Variants in IGDCC4 observed in about 807,000 individuals in gnomAD.
IGDCC4 encodes likely ortholog of mouse neighbor of Punc E11.
IGDCC4 carries 72 observed loss-of-function variants against 116.6 expected under a neutral mutation model. The ratio of observed to expected loss-of-function variants is 0.62; its 90% CI spans 0.51 to 0.75. The LOEUF (loss-of-function observed/expected upper bound fraction) is 0.75, where lower values mean the gene tolerates loss of function less well. Ranked by LOEUF, IGDCC4 falls within the 30% of genes least tolerant of loss-of-function variation. IGDCC4 has a pLI of 0.00. For synonymous variants in IGDCC4, 709 were observed against 719.9 expected, an observed-to-expected ratio of 0.98 and a Z score of 0.24; for missense variants, 1,501 against 1,662.4, an observed-to-expected ratio of 0.90 and a Z score of 1.69.
intron 1 of IGDCC4, among the ~76,000 whole-genome samples, chr15:65,416,937 G>A (rs2063150650): frequency 6.6e-6 from 1 of 152,124 alleles, no homozygotes; most frequent in Non-Finnish European, 1.5e-5. Context: ...GCTGTTTCGT[G>A]GGATTAGTGG....
chr15:65,411,343 G>T lies in IGDCC4; in HGVS notation c.98C>A (p.Thr33Asn). 2 of 1,585,542 alleles carry T rather than the reference G, an allele frequency of 1.3e-6. No homozygotes were observed. The highest frequency in any genetic ancestry group is 3.4e-5 in the Admixed American group (2 of 58,608). The change falls in exon 2 of 20, where the codon ACT (threonine) becomes AAT (asparagine). Residue 33 changes from threonine to asparagine, a missense_variant. Physicochemically the swap from Thr to Asn is moderately conservative, Grantham distance 65. Around this residue, in one of 3 missense-constraint regions of IGDCC4, gnomAD observed 898 missense variants for 978.9 expected, o/e 0.92. Coordinates refer to ENST00000352385, the MANE Select transcript of IGDCC4 (RefSeq NM_020962.3). Reference protein sequence around the residue: ...RGELLLPQETTVELSCGVGPL... With the variant: ...RGELLLPQETNVELSCGVGPL... ...CCCCACTCCACAGCTCAGCTCCACAGTCGTCTCCTGGGGCAACAGCAGCTC... is the reference window on the plus strand; with the variant it reads ...CCCCACTCCACAGCTCAGCTCCACATTCGTCTCCTGGGGCAACAGCAGCTC...
At position 65,395,318 on chromosome 15, in the gene IGDCC4, G is replaced by A. The variant is rs545028958; in HGVS notation, c.1412-60C>T. On this transcript the variant is annotated intron_variant, in intron 7 of 19. Transcript: ENST00000352385. ...GCCACCCCCCCGTGCTGGCTAGCTG[G>A]AGTCTGTATAGGAATCCTTCATATT... is the stretch of plus-strand genomic sequence containing the variant. 158 of 1,542,866 alleles carry A rather than the reference G, an allele frequency of 1.0e-4. No individual in the cohort carries two copies. The Middle Eastern group carries it at 1.2e-3, about 12-fold the overall frequency.
chr15:65,411,125 C>G lies in IGDCC4; in HGVS notation c.316G>C (p.Glu106Gln). The change falls in exon 2 of 20, where the codon GAG (glutamate) becomes CAG (glutamine). Residue 106 changes from glutamate to glutamine, a missense_variant. This residue lies in a region of IGDCC4 where 898 missense variants were observed against 978.9 expected (regional missense o/e 0.92). Coordinates refer to ENST00000352385, the MANE Select transcript of IGDCC4 (RefSeq NM_020962.3). ...ACCCCCACAGCCTCAGGGACTGACT[C>G]GTCACTGCCATTGGGTGCTAGTGGC... ...SQPLAPNGSD[E>Q]SVPEAVGVIE... The G allele has an allele frequency of 8.7e-6, 14 of 1,614,220 alleles. No individual in the cohort carries two copies. The highest frequency in any genetic ancestry group is 1.2e-5 in the Non-Finnish European group (14 of 1,180,038).
Position 65,394,425 on chromosome 15 carries a change from C to T in IGDCC4, c.1700G>A (p.Gly567Asp), listed in dbSNP as rs528209903. 6.2e-7 allele frequency: 1 copy of T among 1,614,078 alleles called. No individual in the cohort carries two copies. The highest frequency in any genetic ancestry group is 1.1e-5 in the South Asian group (1 of 91,082). Residue 567 changes from glycine (G) to aspartate (D), a missense_variant, in exon 9 of 20, where the codon GGT (glycine) becomes GAT (aspartate). Transcript: ENST00000352385. Reference sequence around the variant, plus strand: ...CCCCCACTCACCTTCCTTTCCCAAACCGTATTCTATCTTGTACTTCACCAC... The same window carrying T: ...CCCCCACTCACCTTCCTTTCCCAAATCGTATTCTATCTTGTACTTCACCAC... The part of the protein sequence containing the change: ...GQVVKYKIEY[G>D]LGKEDQIFST...
chr15:65,402,732 T>C (rs2063001450), intron 3 of IGDCC4, among the ~76,000 whole-genome samples: 1 of 152,120 alleles, frequency 6.6e-6, no homozygotes, highest in Non-Finnish European at 1.5e-5. Flanking sequence ...CCGGGCGTAG[T>C]GGTGCATGCC....
intron 8 of IGDCC4, 53 bp downstream of exon 8, chr15:65,395,041 C>A (rs1216517121): frequency 5.2e-6 from 8 of 1,547,560 alleles, no homozygotes; most frequent in Non-Finnish European, 7.0e-6. Flanking sequence ...AGCTCCCCTC[C>A]CCAGGGAATT....
At chr15:65,400,684 G>A (rs655436) in intron 5 of IGDCC4, 122 bp downstream of exon 5, 245,934 of 1,254,372 alleles carry the variant, frequency 0.2, 24,686 homozygotes, top group South Asian at 0.29. Flanking sequence ...AAAGGAGTTC[G>A]TGCCACACCA....
In IGDCC4 at chr15:65,391,953, G is replaced by T; in HGVS notation, c.2151C>A (p.Leu717=). 1 of 1,613,034 alleles carries T rather than the reference G, an allele frequency of 6.2e-7. No homozygotes were observed. The highest frequency in any genetic ancestry group is 1.1e-5 in the South Asian group (1 of 90,920). Residue 717 remains leucine (L), a synonymous_variant, in exon 12 of 20, where the codon CTC becomes CTA. Coordinates refer to ENST00000352385, the MANE Select transcript of IGDCC4 (RefSeq NM_020962.3). ...CATCCTCATGTTTGTTGAAAGCCACGAGCTTCACCTCGTACAGCCGGCCAG... is the reference window on the plus strand; with the variant it reads ...CATCCTCATGTTTGTTGAAAGCCACTAGCTTCACCTCGTACAGCCGGCCAG... ...LVPGRLYEVK[L]VAFNKHEDGY...
At chr15:65,398,029 A>AT (rs2062943651) in intron 5 of IGDCC4, among the ~76,000 whole-genome samples, 1 of 152,252 alleles carries the variant, frequency 6.6e-6, no homozygotes, top group Non-Finnish European at 1.5e-5. Context: ...TGCTTATGGT[A>AT]TACTGTTGAA....
At chr15:65,407,869 T>C (rs2063054701) in intron 3 of IGDCC4, among the ~76,000 whole-genome samples, 1 of 147,412 alleles carries the variant, frequency 6.8e-6, no homozygotes, top group Non-Finnish European at 1.5e-5. Context: ...CTCCTGACCT[T>C]GTGATCCGCC....
chr15:65,396,084 C>A lies in IGDCC4; in HGVS notation c.1077G>T (p.Ser359=). ...AGCGCAGCGCTGGCCGCGGCTCCCC[C>A]GACGCGCGGCACACGAAGCGCGCTG... ...ASTARFVCRA[S]GEPRPALRWL... is the part of the protein sequence containing the mutation. The change falls in exon 7 of 20, where the codon TCG becomes TCT. Residue 359 remains serine (S), a synonymous_variant. Coordinates refer to ENST00000352385, the MANE Select transcript of IGDCC4 (RefSeq NM_020962.3). 7.2e-7 allele frequency: 1 copy of A among 1,384,690 alleles called. No homozygotes were observed. The highest frequency in any genetic ancestry group is 1.6e-5 in the South Asian group (1 of 61,614). The allele number at this position is 1,384,690 out of a possible 1,614,324, so 85.8% of individuals were successfully genotyped here.
In IGDCC4 at chr15:65,393,530, A is replaced by G. The variant is rs367653112; in HGVS notation, c.1716T>C (p.Asp572=). ...YKIEYGLGKE[D]QIFSTEVRGN... Reference sequence around the variant, plus strand: ...CTCGCACCTCAGTAGAGAAAATCTGATCTGCAGGGACAGAAAAGGTGGGCT... The same window carrying G: ...CTCGCACCTCAGTAGAGAAAATCTGGTCTGCAGGGACAGAAAAGGTGGGCT... The change falls in exon 10 of 20, where the codon GAT becomes GAC. Residue 572 remains aspartate (D), a splice_region_variant and synonymous_variant. Transcript: ENST00000352385. The surrounding 1 kb of genome is among the most constrained non-coding windows in gnomAD (Gnocchi z 4.6). 1.3e-6 allele frequency: 2 copies of G among 1,592,654 alleles called. No homozygotes were observed. The highest frequency in any genetic ancestry group is 2.7e-5 in the African/African-American group (2 of 74,488).
intron 1 of IGDCC4, among the ~76,000 whole-genome samples, chr15:65,412,600 G>C (rs1397602419): frequency 7.2e-6 from 1 of 138,600 alleles, no homozygotes; most frequent in Non-Finnish European, 1.5e-5. Context: ...GAACCTAACA[G>C]ATCATATTGA....
chr15:65,398,897 C>T (rs1488992709), intron 5 of IGDCC4, among the ~76,000 whole-genome samples: 3 of 152,044 alleles, frequency 2.0e-5, no homozygotes, highest in Non-Finnish European at 4.4e-5. Context: ...CTCAAAAAAA[C>T]AAAACAAAAC....
rs1321847728 is a variant in IGDCC4 at position 65,382,713 on chromosome 15, C to A, written c.*1296G>T. ...TGTGCAAAGACCTCCTTGCCAGCAC[C>A]CCAGAGGGTGAGATTCCTGTCATCC... On this transcript the variant is annotated 3_prime_UTR_variant, in exon 20 of 20. Transcript: ENST00000352385. The A allele has an allele frequency of 6.6e-6, 1 of 152,064 alleles. No homozygotes were observed. Among genetic ancestry groups the A allele is most frequent in the African/African-American group, 2.4e-5 (1 of 41,392 alleles). The allele number at this position is 152,064 out of a possible 1,614,324, so 9.4% of individuals were successfully genotyped here. A position where few individuals can be genotyped will look rare whatever the true frequency, so the allele number is the denominator to read the frequency against.
chr15:65,385,785 TG>T, intron 18 of IGDCC4, 45 bp downstream of exon 18: 1 of 1,467,630 alleles, frequency 6.8e-7, no homozygotes, highest in Non-Finnish European at 9.5e-7. Flanking sequence ...TGTCGCCCCC[TG>T]GTGTCCTATT....
In IGDCC4 at chr15:65,392,115, T is replaced by TCCCCCC; in HGVS notation, c.2122+13_2122+18dup. ...CTGAAGCTACATCCCTCCCTCCCCC[T>TCCCCCC]CCCCCCAGCCCTCCTCACCTAGCTG... is the stretch of plus-strand genomic sequence containing the variant. On this transcript the variant is annotated intron_variant, in intron 11 of 19. Coordinates refer to ENST00000352385, the MANE Select transcript of IGDCC4 (RefSeq NM_020962.3). The TCCCCCC allele has an allele frequency of 3.7e-6, 3 of 811,628 alleles. No homozygotes were observed. Among genetic ancestry groups the TCCCCCC allele is most frequent in the Admixed American group, 4.7e-5 (2 of 42,358 alleles). The allele number at this position is 811,628 out of a possible 1,614,324, so 50.3% of individuals were successfully genotyped here. A position where few individuals can be genotyped will look rare whatever the true frequency, so the allele number is the denominator to read the frequency against.
chr15:65,386,518 C>T, intron 17 of IGDCC4, 33 bp downstream of exon 17: 1 of 1,553,244 alleles, frequency 6.4e-7, no homozygotes. Flanking sequence ...GGAAGTCTCC[C>T]TTCCCTGAAG....
rs1407854833 is a variant in IGDCC4 at position 65,402,379 on chromosome 15, C to T, written c.672G>A (p.Gln224=). 2 of 1,571,228 alleles carry T rather than the reference C, an allele frequency of 1.3e-6. No individual in the cohort carries two copies. Among genetic ancestry groups the T allele is most frequent in the Non-Finnish European group, 1.7e-6 (2 of 1,157,274 alleles). ...TGTGGGCCACACTGAGTAGGGCCTC[C>T]TGGCTGAAGTGCTGGCGAGCTGAGT... ...ATNSARQHFS[Q]EALLSVAHRG... is the part of the protein sequence containing the mutation. Residue 224 remains glutamine (Q), a synonymous_variant, in exon 4 of 20, where the codon CAG becomes CAA. Coordinates refer to ENST00000352385, the MANE Select transcript of IGDCC4 (RefSeq NM_020962.3).
Sources: allele counts gnomAD v4.1 joint callset (sites outside exome capture counted in the v4.1 genomes callset), GRCh38; gene constraint gnomAD v4.1.1; regional missense constraint gnomAD v4.1.1; non-coding constraint Gnocchi (gnomAD v3.1); transcripts MANE v1.5; gene names NCBI Gene and HGNC (gene_info 2026-07-23, HGNC 2026-07-21).